The following FBP1 variants were observed in gnomAD, a reference collection of about 807,000 sequenced individuals.
FBP1 encodes the protein fructose-1,6-bisphosphatase 1.
Under a neutral mutation model 29.9 loss-of-function variants are expected in FBP1, and 22 were observed. The ratio of observed to expected loss-of-function variants is 0.74; its 90% confidence interval spans 0.53 to 1.05. FBP1 has a LOEUF of 1.05. Among genes scored for constraint, FBP1 ranks in the 50% least tolerant of loss-of-function variants. FBP1 has a pLI of 0.00. For missense variants in FBP1, 345 were observed against 448.2 expected, an observed-to-expected ratio of 0.77 and a Z score of 2.08; for synonymous variants, 175 against 178.6, an observed-to-expected ratio of 0.98 and a Z score of 0.16.
At chr9:94,613,640 C>T (rs1217028736) in intron 3 of FBP1, among the ~76,000 whole-genome samples, 1 of 152,098 alleles carries the variant, frequency 6.6e-6, no homozygotes, top group African/African-American at 2.4e-5. Context: ...TGGTGGTGCA[C>T]CTGTAGTCCC....
At chr9:94,603,815 G>A (rs1283358046) in intron 6 of FBP1, 9 of 547,950 alleles carry the variant, frequency 1.6e-5, no homozygotes, top group Non-Finnish European at 3.0e-5. Flanking sequence ...ATTACCTGAT[G>A]CAAATGTGAG....
Position 94,635,260 on chromosome 9 carries a change from T to C in FBP1, c.170+3881A>G, listed in dbSNP as rs182662402. 7.2e-5 allele frequency among the ~76,000 whole-genome samples: 11 copies of C among 152,362 alleles called. No homozygotes were observed. In the East Asian group the frequency reaches 2.1e-3, roughly 29 times the overall value. On this transcript the variant is annotated intron_variant, in intron 1 of 6. Coordinates refer to ENST00000375326, the MANE Select transcript of FBP1 (RefSeq NM_000507.4). The stretch of plus-strand genomic sequence containing the variant: ...GGCCAAGTCATCTCATCTTCCTCGG[T>C]CTCAGGGTCCTCTTCTGTATGAGGA...
chr9:94,616,979 G>T (rs1827873796), intron 3 of FBP1, among the ~76,000 whole-genome samples: 1 of 151,970 alleles, frequency 6.6e-6, no homozygotes. Flanking sequence ...TGGAGGAGGG[G>T]TGACTGCCCG....
At chr9:94,637,629 A>C (rs1472343522) in intron 1 of FBP1, among the ~76,000 whole-genome samples, 1 of 151,834 alleles carries the variant, frequency 6.6e-6, no homozygotes, top group Non-Finnish European at 1.5e-5. Flanking sequence ...GACCTCAGGC[A>C]ATCCACCTGT....
upstream of FBP1, chr9:94,639,606 G>C (rs1828255482): frequency 1.9e-6 from 1 of 516,056 alleles, no homozygotes; most frequent in East Asian, 3.6e-5. Context: ...CGCCTACCCC[G>C]CGGACCAGAC....
intron 1 of FBP1, among the ~76,000 whole-genome samples, chr9:94,630,530 G>T (rs1828087302): frequency 6.6e-6 from 1 of 152,208 alleles, no homozygotes; most frequent in African/African-American, 2.4e-5. Flanking sequence ...GCCGGGGAAA[G>T]TCACTTAGCA....
chr9:94,611,965 C>G (rs2993905), intron 3 of FBP1, among the ~76,000 whole-genome samples: 1 of 151,860 alleles, frequency 6.6e-6, no homozygotes, highest in African/African-American at 2.4e-5. Context: ...TTCTTTCCAC[C>G]GCTTCCCTGC....
At chr9:94,614,971 C>T (rs1054683192) in intron 3 of FBP1, among the ~76,000 whole-genome samples, 2 of 152,082 alleles carry the variant, frequency 1.3e-5, no homozygotes, top group South Asian at 2.1e-4. Context: ...TGCAGTGGTG[C>T]GATCTCGGCT....
chr9:94,614,958 G>T (rs1014716241), intron 3 of FBP1, among the ~76,000 whole-genome samples: 1 of 151,950 alleles, frequency 6.6e-6, no homozygotes, highest in Non-Finnish European at 1.5e-5. Flanking sequence ...ACCCAGGCTG[G>T]AGTGCAGTGG....
chr9:94,623,077 C>T (rs1827971424), intron 1 of FBP1, among the ~76,000 whole-genome samples: 1 of 152,078 alleles, frequency 6.6e-6, no homozygotes, highest in Admixed American at 6.6e-5. Context: ...CTCCGCCTCC[C>T]AGGTTCAAGC....
chr9:94,604,581 C>A (rs1464723397), intron 6 of FBP1, among the ~76,000 whole-genome samples: 1 of 151,328 alleles, frequency 6.6e-6, no homozygotes, highest in Non-Finnish European at 1.5e-5. Context: ...GTCAGAAGTT[C>A]AGGACCAGCC....
intron 1 of FBP1, among the ~76,000 whole-genome samples, chr9:94,636,304 A>T (rs1327857786): frequency 6.6e-6 from 1 of 151,386 alleles, no homozygotes; most frequent in Non-Finnish European, 1.5e-5. Flanking sequence ...ACATAACAAA[A>T]CCCCATCTCT....
chr9:94,609,615 TCATCC>T (rs1289900242), intron 4 of FBP1, among the ~76,000 whole-genome samples: 1 of 152,170 alleles, frequency 6.6e-6, no homozygotes, highest in Non-Finnish European at 1.5e-5. Flanking sequence ...GCACACTTCA[TCATCC>T]CTATGGCCTG....
rs1430028967 is a variant in FBP1, at chr9:94,639,370, G to A, written c.-60C>T. On this transcript the variant is annotated 5_prime_UTR_variant, in exon 1 of 7. Transcript: ENST00000375326. ...AAGCGGCAGGTGCGGGGCTGCAGGT[G>A]CGGGCGGCAAGAGAGGGCAGTAGGC... 6.4e-7 allele frequency: 1 copy of A among 1,556,934 alleles called. No homozygotes were observed. The highest frequency in any genetic ancestry group is 8.7e-7 in the Non-Finnish European group (1 of 1,148,232).
chr9:94,613,931 A>T (rs569782236), intron 3 of FBP1, among the ~76,000 whole-genome samples: 1 of 149,904 alleles, frequency 6.7e-6, no homozygotes, highest in South Asian at 2.1e-4. Flanking sequence ...TACAAAAAAA[A>T]TTAGCCAAGC....
chr9:94,622,641 G>T (rs1270226505), intron 1 of FBP1, among the ~76,000 whole-genome samples: 1 of 152,178 alleles, frequency 6.6e-6, no homozygotes, highest in Admixed American at 6.5e-5. Context: ...TCCCTTTCCA[G>T]CCTGCAAAGC....
At chr9:94,617,957 G>T (rs1259459109) in intron 2 of FBP1, 97 bp from the exon 3 acceptor site, 5 of 959,348 alleles carry the variant, frequency 5.2e-6, no homozygotes, top group Non-Finnish European at 8.2e-6. Flanking sequence ...TTAGAAGAAA[G>T]TTCAAAAAAT....
chr9:94,621,265 G>A (rs910241374), intron 1 of FBP1, among the ~76,000 whole-genome samples: 25 of 150,060 alleles, frequency 1.7e-4, no homozygotes, highest in Admixed American at 2.7e-4. Context: ...GTGTGGTGGC[G>A]GGCGCCTGTA....
chr9:94,636,126 G>T (rs912836453), intron 1 of FBP1, among the ~76,000 whole-genome samples: 1 of 152,000 alleles, frequency 6.6e-6, no homozygotes, highest in African/African-American at 2.4e-5. Context: ...TTAAATTTTT[G>T]TCAATGAGTG....
Sources: allele counts gnomAD v4.1 joint callset (sites outside exome capture counted in the v4.1 genomes callset), GRCh38; gene constraint gnomAD v4.1.1; transcripts MANE v1.5; gene names NCBI Gene and HGNC (gene_info 2026-07-23, HGNC 2026-07-21).